NEK10: variants seen among roughly 807,000 people sequenced by gnomAD.
The protein encoded by NEK10 is NIMA related kinase 10, also known as serine/threonine-protein kinase Nek10.
Under a neutral mutation model 159.8 loss-of-function variants are expected in NEK10, and 122 were observed. That is an observed-to-expected ratio of 0.76 (90% confidence interval 0.66 to 0.89). The LOEUF (loss-of-function observed/expected upper bound fraction) is 0.89, where lower values mean the gene tolerates loss of function less well. Among genes scored for constraint, NEK10 ranks in the 40% least tolerant of loss-of-function variants. NEK10 has a pLI of 0.00. For missense variants in NEK10, 1,342 were observed against 1,323.1 expected (o/e 1.01, Z -0.22); for synonymous variants, 466 against 457.1 (o/e 1.02, Z -0.25).
At chr3:27,297,591 T>C (rs2043450101) in intron 13 of NEK10, among the ~76,000 whole-genome samples, 1 of 152,228 alleles carries the variant, frequency 6.6e-6, no homozygotes, top group Non-Finnish European at 1.5e-5. Context: ...CAAATATATC[T>C]ATAATGGTTG....
intron 5 of NEK10, among the ~76,000 whole-genome samples, chr3:27,335,058 G>C (rs573719428): frequency 6.6e-6 from 1 of 152,042 alleles, no homozygotes; most frequent in Non-Finnish European, 1.5e-5. Flanking sequence ...AACCAAAGTG[G>C]CTGGGCACGG....
chr3:27,124,926 G>T (rs1428478964), intron 32 of NEK10, among the ~76,000 whole-genome samples: 3 of 151,654 alleles, frequency 2.0e-5, no homozygotes, highest in Non-Finnish European at 2.9e-5. Flanking sequence ...CCTTTTTTTT[G>T]CCTCATGAGC....
intron 1 of NEK10, among the ~76,000 whole-genome samples, chr3:27,364,078 G>GTATTAACT (rs1390121410): frequency 6.6e-6 from 1 of 151,956 alleles, no homozygotes; most frequent in Non-Finnish European, 1.5e-5. Context: ...GCTGTTGTAA[G>GTATTAACT]TATTAACTTT....
In NEK10 at chr3:27,342,177, C is replaced by T. The variant is rs551616367; in HGVS notation, c.362+2095G>A. ...CTCCCTTCCTTGCACACAGTACATGCTTACCATTTTGTTTATCAAATTGAA... is the reference window on the plus strand; with the variant it reads ...CTCCCTTCCTTGCACACAGTACATGTTTACCATTTTGTTTATCAAATTGAA... On this transcript the variant is annotated intron_variant, in intron 5 of 35. Transcript: ENST00000691995. Among the ~76,000 whole-genome samples the T allele has an allele frequency of 2.0e-5, 3 of 152,210 alleles. No individual in the cohort carries two copies. In the South Asian group the frequency reaches 6.2e-4, roughly 32 times the overall value.
intron 26 of NEK10, among the ~76,000 whole-genome samples, chr3:27,186,387 C>T (rs998350388): frequency 6.6e-6 from 1 of 152,204 alleles, no homozygotes; most frequent in Non-Finnish European, 1.5e-5. Context: ...GCAAGGGTAG[C>T]TTCTGGCAGA....
At chr3:27,170,187 C>A (rs1946828644) in intron 29 of NEK10, among the ~76,000 whole-genome samples, 1 of 152,166 alleles carries the variant, frequency 6.6e-6, no homozygotes, top group Non-Finnish European at 1.5e-5. Context: ...GCAGCCTTAG[C>A]CTTTTGTTAC....
chr3:27,217,473 C>T (rs546989427), intron 23 of NEK10, among the ~76,000 whole-genome samples: 36 of 152,208 alleles, frequency 2.4e-4, no homozygotes, highest in African/African-American at 6.7e-4. Flanking sequence ...CACTTTTAAA[C>T]AATGAGATCT....
At chr3:27,142,544 CT>C (rs1943889772) in intron 30 of NEK10, among the ~76,000 whole-genome samples, 1 of 151,744 alleles carries the variant, frequency 6.6e-6, no homozygotes, top group African/African-American at 2.4e-5. Context: ...CAAAGACCCT[CT>C]TTTCTTCCCT....
intron 5 of NEK10, among the ~76,000 whole-genome samples, chr3:27,340,888 C>T (rs946318534): frequency 6.6e-6 from 1 of 152,184 alleles, no homozygotes; most frequent in African/African-American, 2.4e-5. Flanking sequence ...CAAAGGGATA[C>T]TTGCACTCAC....
chr3:27,310,959 CCA>C lies in NEK10; in HGVS notation c.624_625del (p.Ser208ArgfsTer16). The C allele has an allele frequency of 6.2e-7, 1 of 1,606,712 alleles. No individual in the cohort carries two copies. Among genetic ancestry groups the C allele is most frequent in the Non-Finnish European group, 8.5e-7 (1 of 1,173,456 alleles). ...TCAGGGGCCACTCACCTTGTGGGCT[CCA>C]CTTGTGGTGACCCATTCTCTTTGAT... On this transcript the variant is annotated frameshift_variant, in exon 9 of 36. Transcript: ENST00000691995. LOFTEE classifies it high-confidence loss of function.
At chr3:27,327,934 TAA>T (rs34833708) in intron 5 of NEK10, among the ~76,000 whole-genome samples, 3,010 of 147,036 alleles carry the variant, frequency 0.02, 50 homozygotes, top group East Asian at 0.064. Context: ...ATGCAAAACT[TAA>T]AAAAAAAAAA....
intron 23 of NEK10, among the ~76,000 whole-genome samples, chr3:27,212,505 A>G (rs1553682468): frequency 6.6e-6 from 1 of 152,120 alleles, no homozygotes; most frequent in Non-Finnish European, 1.5e-5. Flanking sequence ...AACCAATTTC[A>G]CTCTGTCTCC....
Position 27,115,997 on chromosome 3 carries a change from TA to T in NEK10, c.3244-3del. The T allele has an allele frequency of 6.2e-7, 1 of 1,613,026 alleles. No homozygotes were observed. Among genetic ancestry groups the T allele is most frequent in the Non-Finnish European group, 8.5e-7 (1 of 1,179,294 alleles). On this transcript the variant is annotated splice_polypyrimidine_tract_variant and splice_region_variant and intron_variant, in intron 34 of 35. Coordinates refer to ENST00000691995, the MANE Select transcript of NEK10 (RefSeq NM_001394966.1). ...CTCAAGGACTTCTTCAATCACAGTC[TA>T]AAATTTTAAAAATCAGGTTAGTATT...
chr3:27,263,752 C>T (rs964314655), intron 22 of NEK10, among the ~76,000 whole-genome samples: 1 of 152,122 alleles, frequency 6.6e-6, no homozygotes, highest in Non-Finnish European at 1.5e-5. Context: ...ATTCCCTGAC[C>T]CCTTACACTT....
Position 27,114,635 on chromosome 3 carries a change from T to A in NEK10, c.3299+1305A>T, listed in dbSNP as rs576645586. On this transcript the variant is annotated intron_variant, in intron 35 of 35. Transcript: ENST00000691995. ...CTATATAATGACCTTAACAGGATGT[T>A]CTTGAGCCCTCTTTCTCTTCCCGTT... 3.3e-5 allele frequency among the ~76,000 whole-genome samples: 5 copies of A among 152,294 alleles called. No homozygotes were observed. In the South Asian group the frequency reaches 1.0e-3, roughly 32 times the overall value.
At chr3:27,327,280 G>A (rs575091408) in intron 5 of NEK10, among the ~76,000 whole-genome samples, 119 of 152,330 alleles carry the variant, frequency 7.8e-4, no homozygotes, top group African/African-American at 2.3e-3. Context: ...GCAGCCCTGA[G>A]AAACCTGTCT....
At chr3:27,137,459 GA>G (rs1943338724) in intron 31 of NEK10, among the ~76,000 whole-genome samples, 3 of 152,130 alleles carry the variant, frequency 2.0e-5, no homozygotes, top group Admixed American at 1.3e-4. Context: ...TAATAGTTAA[GA>G]GAACTAAAAA....
intron 18 of NEK10, 74 bp from the exon 19 acceptor site, chr3:27,290,828 A>C: frequency 8.6e-7 from 1 of 1,168,014 alleles, no homozygotes; most frequent in Non-Finnish European, 1.2e-6. Flanking sequence ...AGGAAGAAAG[A>C]GATAGACTAA....
intron 30 of NEK10, among the ~76,000 whole-genome samples, chr3:27,157,177 G>A (rs983357857): frequency 4.6e-5 from 7 of 151,420 alleles, no homozygotes; most frequent in African/African-American, 1.7e-4. Flanking sequence ...TGGGGACTTG[G>A]GGGGAAGAGT....
Sources: gnomAD v4.1 joint callset for allele counts (sites outside exome capture counted in the v4.1 genomes callset) on GRCh38, gnomAD v4.1.1 for gene constraint, MANE v1.5 for transcripts, NCBI Gene and HGNC (gene_info 2026-07-23, HGNC 2026-07-21) for gene names.